MAN2A1: variants seen among roughly 807,000 people sequenced by gnomAD.
MAN2A1 encodes mannosidase alpha class 2A member 1, also known as alpha-mannosidase 2.
MAN2A1 carries 76 observed loss-of-function variants against 142.6 expected under a neutral mutation model. The ratio of observed to expected loss-of-function variants is 0.53; its 90% confidence interval spans 0.44 to 0.65. The LOEUF (loss-of-function observed/expected upper bound fraction) is 0.65, where lower values mean the gene tolerates loss of function less well. Ranked by LOEUF, MAN2A1 falls within the 30% of genes least tolerant of loss-of-function variation. The pLI is 0.00. For synonymous variants in MAN2A1, 559 were observed against 473.2 expected, an observed-to-expected ratio of 1.18 and a Z score of -2.35; for missense variants, 1,311 against 1,365.1, an observed-to-expected ratio of 0.96 and a Z score of 0.62.
rs562158753 is a variant in MAN2A1 at position 109,768,616 on chromosome 5, T to C, written c.1009+908T>C. ...TGTTTGAGAAATTACTGCATTACAT[T>C]ATACTTGTTTTCTTGTGTAATCTAG... On this transcript the variant is annotated intron_variant, in intron 6 of 21. Transcript: ENST00000261483. 1.6e-4 allele frequency among the ~76,000 whole-genome samples: 25 copies of C among 152,306 alleles called. No individual in the cohort carries two copies. In the South Asian group the frequency reaches 4.6e-3, roughly 28 times the overall value.
In MAN2A1 at chr5:109,736,516, C is replaced by CT. The variant is rs200197935; in HGVS notation, c.707+7004dup. ...TGGGTGACTGGGCAAGACCGGAACTCTAAAAAAAAAGTTTTTTTTAGGTCT... is the reference window on the plus strand; with the variant it reads ...TGGGTGACTGGGCAAGACCGGAACTCTTAAAAAAAAAGTTTTTTTTAGGTCT... On this transcript the variant is annotated intron_variant, in intron 4 of 21. Transcript: ENST00000261483. Among the ~76,000 whole-genome samples, 153 of 151,824 alleles carry CT rather than the reference C, an allele frequency of 1.0e-3. 1 individual carries two copies. In the East Asian group the frequency reaches 0.012, roughly 12 times the overall value.
chr5:109,798,085 T>C (rs1022516962), intron 12 of MAN2A1, among the ~76,000 whole-genome samples: 1 of 152,210 alleles, frequency 6.6e-6, no homozygotes, highest in Non-Finnish European at 1.5e-5. Context: ...CAATTAGACG[T>C]AGTGAAATCT....
At chr5:109,785,096 G>A (rs937596606) in intron 10 of MAN2A1, among the ~76,000 whole-genome samples, 170 bp downstream of exon 10, 3 of 152,104 alleles carry the variant, frequency 2.0e-5, no homozygotes, top group Non-Finnish European at 4.4e-5. Flanking sequence ...TAAGAAATCT[G>A]TTGACAGAGT....
chr5:109,762,092 G>T (rs1000324535), intron 5 of MAN2A1, among the ~76,000 whole-genome samples: 1 of 151,964 alleles, frequency 6.6e-6, no homozygotes, highest in African/African-American at 2.4e-5. Context: ...TAGCATTCTG[G>T]ACTTTTTCAT....
At chr5:109,791,803 G>T (rs76725469) in intron 12 of MAN2A1, among the ~76,000 whole-genome samples, 19 of 152,048 alleles carry the variant, frequency 1.2e-4, no homozygotes, top group African/African-American at 4.6e-4. Context: ...CCTTAGGGAG[G>T]TGATAATGTA....
intron 20 of MAN2A1, among the ~76,000 whole-genome samples, chr5:109,862,046 C>A (rs971323423): frequency 4.6e-5 from 7 of 152,162 alleles, no homozygotes; most frequent in African/African-American, 1.4e-4. Context: ...TGATGAAAAG[C>A]ATTCTGTACA....
intron 1 of MAN2A1, among the ~76,000 whole-genome samples, chr5:109,701,132 C>G (rs1273302632): frequency 1.3e-5 from 2 of 152,038 alleles, no homozygotes; most frequent in African/African-American, 2.4e-5. Flanking sequence ...GGAGCTAAGA[C>G]TAAAACAAGA....
At chr5:109,767,455 A>G (rs530920358) in intron 5 of MAN2A1, 80 bp from the exon 6 acceptor site, 157 of 1,149,452 alleles carry the variant, frequency 1.4e-4, no homozygotes, top group Middle Eastern at 2.1e-4. Context: ...ATACAATGAC[A>G]ATGAGTCTGA....
chr5:109,738,013 A>C (rs1425702211), intron 4 of MAN2A1, among the ~76,000 whole-genome samples: 2 of 152,132 alleles, frequency 1.3e-5, no homozygotes, highest in Non-Finnish European at 2.9e-5. Context: ...TGCTTTGTGC[A>C]TTCCTTATAC....
chr5:109,834,217 A>G (rs1012735368), intron 16 of MAN2A1, among the ~76,000 whole-genome samples: 3 of 152,086 alleles, frequency 2.0e-5, no homozygotes, highest in African/African-American at 4.8e-5. Flanking sequence ...AGTTCAGCCA[A>G]CTTCTCTCCT....
At chr5:109,737,092 C>CTT (rs10686903) in intron 4 of MAN2A1, among the ~76,000 whole-genome samples, 15,522 of 112,040 alleles carry the variant, frequency 0.14, 2,114 homozygotes, top group African/African-American at 0.2. Flanking sequence ...ACTGTATACT[C>CTT]TTTTTTTTTT....
At chr5:109,789,639 A>G (rs1753687380) in intron 12 of MAN2A1, 112 bp downstream of exon 12, 1 of 685,126 alleles carries the variant, frequency 1.5e-6, no homozygotes, top group Non-Finnish European at 2.4e-6. Flanking sequence ...TTTATTAATT[A>G]AAAAACTCCT....
Position 109,713,577 on chromosome 5 carries a change from A to G in MAN2A1, c.193A>G (p.Asn65Asp). The change falls in exon 2 of 22, where the codon AAT becomes GAT. Residue 65 changes from asparagine (N) to aspartate (D), a missense_variant. Coordinates refer to ENST00000261483, the MANE Select transcript of MAN2A1 (RefSeq NM_002372.4). Reference protein sequence around the residue: ...IDHLERLLAENNEIISNIRDS... With the variant: ...IDHLERLLAEDNEIISNIRDS... ...CCATTTGGAGCGTTTGCTAGCTGAGAATAATGAGATCATCTCAAATATTAG... is the reference window on the plus strand; with the variant it reads ...CCATTTGGAGCGTTTGCTAGCTGAGGATAATGAGATCATCTCAAATATTAG... 1 of 1,614,038 alleles carries G rather than the reference A, an allele frequency of 6.2e-7. No individual in the cohort carries two copies. The highest frequency in any genetic ancestry group is 8.5e-7 in the Non-Finnish European group (1 of 1,179,860).
intron 4 of MAN2A1, among the ~76,000 whole-genome samples, chr5:109,740,808 A>G (rs988294049): frequency 6.6e-6 from 1 of 152,078 alleles, no homozygotes; most frequent in African/African-American, 2.4e-5. Flanking sequence ...TTTCAGTTTT[A>G]CTTTTACCAT....
Position 109,784,793 on chromosome 5 carries a change from A to G in MAN2A1, c.1627A>G (p.Lys543Glu), listed in dbSNP as rs1002862381. The G allele has an allele frequency of 1.2e-6, 2 of 1,610,910 alleles. No homozygotes were observed. Among genetic ancestry groups the G allele is most frequent in the Non-Finnish European group, 1.7e-6 (2 of 1,179,032 alleles). ...YFALRQAHKY[K>E]INKFLSSSLY... ...CGCCCTGAGACAAGCTCACAAATAC[A>G]AGATAAATAAATTTCTCTCATCATC... is the stretch of plus-strand genomic sequence containing the variant. The change falls in exon 10 of 22, where the codon AAG becomes GAG. Residue 543 changes from lysine (K) to glutamate (E), a missense_variant. Lys to Glu is a moderately conservative substitution (Grantham distance 56, BLOSUM62 1). Transcript: ENST00000261483.
chr5:109,834,605 A>G lies in MAN2A1; in HGVS notation c.2567-7723A>G, dbSNP rs1000016306. On this transcript the variant is annotated intron_variant, in intron 16 of 21. Transcript: ENST00000261483. ...TTTAGTTTTTGACATTTTCATGAGA[A>G]TTATTGAAATGAAAGGCATAAAGTA... 2.6e-5 allele frequency among the ~76,000 whole-genome samples: 4 copies of G among 152,200 alleles called. No individual in the cohort carries two copies. The East Asian group carries it at 7.7e-4, about 29-fold the overall frequency.
intron 16 of MAN2A1, among the ~76,000 whole-genome samples, chr5:109,838,200 AC>A (rs561651982): frequency 1.2e-4 from 19 of 152,032 alleles, no homozygotes; most frequent in Admixed American, 3.3e-4. Context: ...GCTCTGTTCT[AC>A]CTTGCGTTGC....
chr5:109,861,519 TA>T (rs1755759452), intron 20 of MAN2A1, among the ~76,000 whole-genome samples: 1 of 152,236 alleles, frequency 6.6e-6, no homozygotes. Flanking sequence ...ATAACATATC[TA>T]AAATTGTCTG....
chr5:109,816,856 T>C (rs2112720484), intron 12 of MAN2A1, among the ~76,000 whole-genome samples: 1 of 152,208 alleles, frequency 6.6e-6, no homozygotes, highest in East Asian at 1.9e-4. Context: ...GGCTTCTGAA[T>C]CATTATTTAA....
Sources: allele counts gnomAD v4.1 joint callset (sites outside exome capture counted in the v4.1 genomes callset), GRCh38; gene constraint gnomAD v4.1.1; transcripts MANE v1.5; gene names NCBI Gene and HGNC (gene_info 2026-07-23, HGNC 2026-07-21).